Variants in ULK4 observed in about 807,000 individuals in gnomAD.
The protein encoded by ULK4 is inactive serine/threonine-protein kinase ULK4.
A neutral mutation model predicts 160.6 loss-of-function variants in ULK4; 133 were observed. The ratio of observed to expected loss-of-function variants is 0.83; its 90% CI spans 0.72 to 0.96. The LOEUF (loss-of-function observed/expected upper bound fraction) is 0.96. Ranked by LOEUF, ULK4 falls within the 40% of genes least tolerant of loss-of-function variation. ULK4 has a pLI of 0.00. For synonymous variants in ULK4, 534 were observed against 539.8 expected (o/e 0.99, Z 0.15); for missense variants, 1,580 against 1,499.5 (o/e 1.05, Z -0.89).
At chr3:41,610,164 C>G (rs905895308) in intron 31 of ULK4, among the ~76,000 whole-genome samples, 1 of 151,688 alleles carries the variant, frequency 6.6e-6, no homozygotes, top group Non-Finnish European at 1.5e-5. Context: ...TACAGGCACA[C>G]ACCACCACGC....
chr3:41,410,189 A>G (rs1170047980), intron 34 of ULK4, among the ~76,000 whole-genome samples: 1 of 152,188 alleles, frequency 6.6e-6, no homozygotes, highest in African/African-American at 2.4e-5. Flanking sequence ...ATATACTGAA[A>G]AAAAGAAAGT....
chr3:41,668,301 T>A (rs138839279), intron 29 of ULK4, among the ~76,000 whole-genome samples: 246 of 152,276 alleles, frequency 1.6e-3, no homozygotes, highest in African/African-American at 5.5e-3. Context: ...AAAACCACAA[T>A]AATTATTACA....
intron 18 of ULK4, among the ~76,000 whole-genome samples, chr3:41,820,396 A>C (rs1288655930): frequency 6.6e-6 from 1 of 152,206 alleles, no homozygotes; most frequent in Non-Finnish European, 1.5e-5. Flanking sequence ...ACAAGAGCAA[A>C]AACATGGAAT....
chr3:41,756,525 G>T (rs1244427388), intron 21 of ULK4, among the ~76,000 whole-genome samples: 2 of 152,042 alleles, frequency 1.3e-5, no homozygotes, highest in Non-Finnish European at 2.9e-5. Context: ...CCATGAAGAA[G>T]TAAAAAAAGG....
intron 32 of ULK4, among the ~76,000 whole-genome samples, chr3:41,515,559 TG>T (rs975301893): frequency 7.9e-5 from 12 of 152,310 alleles, no homozygotes; most frequent in African/African-American, 2.9e-4. Context: ...GAGTCATGGC[TG>T]GGGAGGCCTC....
At chr3:41,691,365 C>G (rs2036291650) in intron 27 of ULK4, among the ~76,000 whole-genome samples, 1 of 151,914 alleles carries the variant, frequency 6.6e-6, no homozygotes, top group African/African-American at 2.4e-5. Flanking sequence ...AAACTTGAGT[C>G]TCTCAAGTTG....
chr3:41,877,616 GC>G (rs1697357387), intron 17 of ULK4, among the ~76,000 whole-genome samples: 1 of 151,864 alleles, frequency 6.6e-6, no homozygotes, highest in African/African-American at 2.4e-5. Context: ...ATGAGCCACC[GC>G]CCCAGCCAGG....
intron 35 of ULK4, among the ~76,000 whole-genome samples, chr3:41,370,189 T>A (rs960752337): frequency 5.3e-5 from 8 of 151,444 alleles, no homozygotes; most frequent in African/African-American, 1.9e-4. Context: ...GACATGACAA[T>A]GAAGGAATTA....
intron 32 of ULK4, among the ~76,000 whole-genome samples, chr3:41,512,640 T>C (rs2085618120): frequency 6.6e-6 from 1 of 152,038 alleles, no homozygotes; most frequent in Non-Finnish European, 1.5e-5. Flanking sequence ...CAAACAAATG[T>C]AAACATATCC....
chr3:41,774,498 A>T (rs2039527746), intron 21 of ULK4, among the ~76,000 whole-genome samples: 1 of 149,726 alleles, frequency 6.7e-6, no homozygotes, highest in African/African-American at 2.6e-5. Flanking sequence ...GCCATCAGAG[A>T]AATGCAAATC....
At chr3:41,656,428 C>G (rs1468874917) in intron 30 of ULK4, among the ~76,000 whole-genome samples, 2 of 152,110 alleles carry the variant, frequency 1.3e-5, no homozygotes, top group East Asian at 3.8e-4. Context: ...ATTAAAAAAT[C>G]ATTACATGTA....
chr3:41,306,892 T>C (rs2125716465), intron 35 of ULK4, among the ~76,000 whole-genome samples: 1 of 151,610 alleles, frequency 6.6e-6, no homozygotes, highest in Non-Finnish European at 1.5e-5. Flanking sequence ...CCACTCAGGG[T>C]TAAATGGATT....
intron 17 of ULK4, among the ~76,000 whole-genome samples, chr3:41,879,215 T>C (rs1245287670): frequency 2.0e-5 from 3 of 152,176 alleles, no homozygotes; most frequent in Non-Finnish European, 4.4e-5. Context: ...TATTAGATGA[T>C]ATTCAGAGAC....
At chr3:41,281,020 A>T (rs2079341256) in intron 35 of ULK4, among the ~76,000 whole-genome samples, 1 of 152,234 alleles carries the variant, frequency 6.6e-6, no homozygotes. Flanking sequence ...AGAGAATACT[A>T]TAAACACGTC....
At chr3:41,253,054 G>A (rs72861960) in intron 35 of ULK4, among the ~76,000 whole-genome samples, 3,723 of 152,088 alleles carry the variant, frequency 0.024, 156 homozygotes, top group African/African-American at 0.085. Flanking sequence ...ATTCAGAAAT[G>A]ATATCATAGT....
chr3:41,507,980 G>C (rs756866355), intron 32 of ULK4, among the ~76,000 whole-genome samples: 3 of 152,236 alleles, frequency 2.0e-5, no homozygotes, highest in African/African-American at 4.8e-5. Flanking sequence ...AGCTCCCTGA[G>C]ATGCCAAAAA....
chr3:41,866,765 TATC>T (rs1696901410), intron 17 of ULK4, among the ~76,000 whole-genome samples: 1 of 128,350 alleles, frequency 7.8e-6, no homozygotes, highest in Admixed American at 7.0e-5. Context: ...CTGGAACTGT[TATC>T]ATTATTAAAA....
rs995490021 is a variant in ULK4 at position 41,754,098 on chromosome 3, T to A, written c.2321+263A>T. Among the ~76,000 whole-genome samples, 36 of 152,178 alleles carry A rather than the reference T, an allele frequency of 2.4e-4. 2 individuals are homozygous for A. Among genetic ancestry groups the A allele is most frequent in the Non-Finnish European group, 4.4e-5 (3 of 68,046 alleles). ...TGACACGTGGGGATTACAGGGATTA[T>A]AATTCAAGGTGAGATTTGGGTGGGG... On this transcript the variant is annotated intron_variant, in intron 22 of 36. Transcript: ENST00000301831.
intron 32 of ULK4, among the ~76,000 whole-genome samples, chr3:41,534,678 G>A (rs1388014474): frequency 1.3e-5 from 2 of 151,968 alleles, no homozygotes; most frequent in Non-Finnish European, 2.9e-5. Context: ...ATACTTCATT[G>A]ACTCTAAGAT....
Sources: allele counts gnomAD v4.1 joint callset (sites outside exome capture counted in the v4.1 genomes callset), GRCh38; gene constraint gnomAD v4.1.1; transcripts MANE v1.5; gene names NCBI Gene and HGNC (gene_info 2026-07-23, HGNC 2026-07-21).